The following NIM1K variants were observed in gnomAD, a reference collection of about 807,000 sequenced individuals.
NIM1K encodes the protein serine/threonine-protein kinase NIM1.
NIM1K carries 35 observed loss-of-function variants against 37.1 expected under a neutral mutation model. The ratio of observed to expected loss-of-function variants is 0.94; its 90% CI spans 0.72 to 1.25. NIM1K has a LOEUF of 1.25. NIM1K is among the 50% of genes most tolerant of loss of function. NIM1K has a pLI of 0.00. For missense variants in NIM1K, 564 were observed against 548.0 expected (o/e 1.03, Z -0.29); for synonymous variants, 234 against 206.6 (o/e 1.13, Z -1.14).
intron 3 of NIM1K, among the ~76,000 whole-genome samples, chr5:43,278,139 G>A (rs1290596232): frequency 2.0e-5 from 3 of 151,194 alleles, no homozygotes; most frequent in Middle Eastern, 3.5e-3. Flanking sequence ...TCCGCCTCCC[G>A]GGTTCAAGCG....
intron 2 of NIM1K, among the ~76,000 whole-genome samples, chr5:43,253,210 ATATGTGTGTGTGTG>A (rs1752893045): frequency 1.6e-5 from 1 of 61,718 alleles, no homozygotes; most frequent in South Asian, 7.5e-4. Context: ...ATAATATAAT[ATATGTGTGTGTGTG>A]TGTGTGTGTG....
At chr5:43,265,629 C>T (rs540834617) in intron 2 of NIM1K, among the ~76,000 whole-genome samples, 2 of 152,342 alleles carry the variant, frequency 1.3e-5, no homozygotes, top group South Asian at 4.1e-4. Flanking sequence ...CTCAACTCAT[C>T]AAATTCATTC....
intron 1 of NIM1K, chr5:43,207,606 A>T: frequency 1.5e-6 from 1 of 657,584 alleles, no homozygotes. Context: ...AAAGTATTGA[A>T]ACAGGATGGG....
chr5:43,274,231 A>G (rs1470270448), intron 2 of NIM1K, among the ~76,000 whole-genome samples: 1 of 152,142 alleles, frequency 6.6e-6, no homozygotes, highest in South Asian at 2.1e-4. Context: ...CCATGAAAGG[A>G]AAGGAGAAAA....
At position 43,280,565 on chromosome 5, in the gene NIM1K, A is replaced by G. The variant is rs926353512; in HGVS notation, c.1147A>G (p.Ile383Val). Residue 383 changes from isoleucine (I) to valine (V), a missense_variant, in exon 4 of 4, where the codon ATC becomes GTC. Physicochemically the swap from Ile to Val is conservative, Grantham distance 29 (BLOSUM62 3). Coordinates refer to ENST00000326035, the MANE Select transcript of NIM1K (RefSeq NM_153361.4). ...CCAAGGGAGAGATGCTCGCAGCTCA[A>G]TCACAGGGGTCTATAGAATTATTTT... ...NNQGRDARSS[I>V]TGVYRIILHR... 3.1e-6 allele frequency: 5 copies of G among 1,614,206 alleles called. No homozygotes were observed. Among genetic ancestry groups the G allele is most frequent in the Non-Finnish European group, 4.2e-6 (5 of 1,180,024 alleles).
At chr5:43,273,326 C>T (rs1753286326) in intron 2 of NIM1K, among the ~76,000 whole-genome samples, 1 of 152,024 alleles carries the variant, frequency 6.6e-6, no homozygotes, top group South Asian at 2.1e-4. Context: ...GTCTCAGCCT[C>T]CCAAGTAGCC....
chr5:43,206,245 C>G (rs10046075), intron 1 of NIM1K, among the ~76,000 whole-genome samples: 1 of 151,638 alleles, frequency 6.6e-6, no homozygotes, highest in African/African-American at 2.4e-5. Context: ...TACCGCCGGG[C>G]GGGGTGGCTC....
chr5:43,200,237 A>C (rs936081377), intron 1 of NIM1K, among the ~76,000 whole-genome samples: 17 of 152,036 alleles, frequency 1.1e-4, no homozygotes, highest in Admixed American at 3.3e-4. Context: ...GACAGATTCT[A>C]TGTTCACCCT....
intron 2 of NIM1K, among the ~76,000 whole-genome samples, chr5:43,252,066 C>T (rs896299156): frequency 6.6e-6 from 1 of 151,584 alleles, no homozygotes; most frequent in African/African-American, 2.4e-5. Flanking sequence ...GAAGTTTCTA[C>T]AAGCCGGGAG....
intron 2 of NIM1K, among the ~76,000 whole-genome samples, chr5:43,254,949 T>G (rs1752918476): frequency 6.6e-6 from 1 of 152,178 alleles, no homozygotes; most frequent in Non-Finnish European, 1.5e-5. Flanking sequence ...TTTCTTACTT[T>G]AAAAATGGTT....
intron 1 of NIM1K, chr5:43,207,008 C>T (rs945840762): frequency 4.3e-5 from 32 of 749,438 alleles, no homozygotes; most frequent in East Asian, 3.2e-4. Context: ...CAGTACTGGG[C>T]GGGTAAAACA....
rs568365239 is a variant in NIM1K at position 43,267,368 on chromosome 5, A to G, written c.293-9689A>G. 7.2e-5 allele frequency among the ~76,000 whole-genome samples: 11 copies of G among 152,160 alleles called. No homozygotes were observed. The South Asian group carries it at 2.3e-3, about 32-fold the overall frequency. On this transcript the variant is annotated intron_variant, in intron 2 of 3. Transcript: ENST00000326035. Reference sequence around the variant, plus strand: ...TCTCTCCTCTTAGTTAATCTAGTTAATGGTCTATCAATTTTGTTTATCTTT... The same window carrying G: ...TCTCTCCTCTTAGTTAATCTAGTTAGTGGTCTATCAATTTTGTTTATCTTT...
At chr5:43,220,403 A>G (rs1752364629) in intron 1 of NIM1K, among the ~76,000 whole-genome samples, 1 of 149,104 alleles carries the variant, frequency 6.7e-6, no homozygotes, top group Non-Finnish European at 1.5e-5. Context: ...CTCCTGCCTT[A>G]GCATCCCGAG....
chr5:43,272,822 A>G (rs1753277607), intron 2 of NIM1K, among the ~76,000 whole-genome samples: 1 of 152,206 alleles, frequency 6.6e-6, no homozygotes, highest in Admixed American at 6.5e-5. Context: ...GTTTGACAAC[A>G]CTGAGCCTCC....
intron 1 of NIM1K, among the ~76,000 whole-genome samples, chr5:43,198,203 CTTTCTCTTTCTTTCTT>C (rs1405864578): frequency 0.026 from 1,188 of 45,486 alleles, 6 homozygotes; most frequent in Admixed American, 0.041. Flanking sequence ...TTCTTTCTTT[CTTTCTCTTTCTTTCTT>C]TCTTTCTTTC....
chr5:43,215,662 G>T (rs1225675600), intron 1 of NIM1K, among the ~76,000 whole-genome samples: 1 of 152,186 alleles, frequency 6.6e-6, no homozygotes, highest in South Asian at 2.1e-4. Context: ...CCCAGTCCCT[G>T]ACCGCAAGTG....
chr5:43,260,181 GT>G (rs1753006388), intron 2 of NIM1K, among the ~76,000 whole-genome samples: 2 of 152,132 alleles, frequency 1.3e-5, no homozygotes, highest in South Asian at 2.1e-4. Flanking sequence ...AACAGAGATG[GT>G]TTGACTTTCC....
chr5:43,264,928 A>T (rs1700089686), intron 2 of NIM1K, among the ~76,000 whole-genome samples: 1 of 152,200 alleles, frequency 6.6e-6, no homozygotes, highest in African/African-American at 2.4e-5. Flanking sequence ...CTTTTCTTTA[A>T]GAATGTTGAA....
Position 43,211,485 on chromosome 5 carries a change from C to T in NIM1K, c.-695+19074C>T, listed in dbSNP as rs371292441. Among the ~76,000 whole-genome samples the T allele has an allele frequency of 1.5e-4, 23 of 152,292 alleles. No individual in the cohort carries two copies. The South Asian group carries it at 4.4e-3, about 29-fold the overall frequency. ...CCACACCCACCAAGGTCTTTGGGAA[C>T]GACCATGGGGACTGGGGGGAATGTC... On this transcript the variant is annotated intron_variant, in intron 1 of 3. Coordinates refer to ENST00000326035, the MANE Select transcript of NIM1K (RefSeq NM_153361.4).
Sources: gnomAD v4.1 joint callset for allele counts (sites outside exome capture counted in the v4.1 genomes callset) on GRCh38, gnomAD v4.1.1 for gene constraint, MANE v1.5 for transcripts, NCBI Gene and HGNC (gene_info 2026-07-23, HGNC 2026-07-21) for gene names.